CD302: variants seen among roughly 807,000 people sequenced by gnomAD.
CD302 encodes CD302 antigen.
Under a neutral mutation model 26.5 loss-of-function variants are expected in CD302, and 23 were observed. The observed-to-expected ratio is 0.87, with a 90% CI of 0.62 to 1.23. The LOEUF is 1.23. CD302 is among the 50% of genes most tolerant of loss of function. The pLI, the probability that CD302 is intolerant of heterozygous loss-of-function variation, is 0.00. For synonymous variants in CD302, 90 were observed against 99.4 expected, an observed-to-expected ratio of 0.91 and a Z score of 0.56; for missense variants, 290 against 275.5, an observed-to-expected ratio of 1.05 and a Z score of -0.37.
chr2:159,790,945 A>G (rs957095041), intron 1 of CD302, among the ~76,000 whole-genome samples: 1 of 152,226 alleles, frequency 6.6e-6, no homozygotes, highest in Non-Finnish European at 1.5e-5. Context: ...AAGCACTTAT[A>G]GTTCTTTTTT....
At chr2:159,788,354 T>C (rs900489703) in intron 1 of CD302, among the ~76,000 whole-genome samples, 5 of 152,198 alleles carry the variant, frequency 3.3e-5, no homozygotes, top group Non-Finnish European at 5.9e-5. Context: ...TGTGCTACAA[T>C]TGCCTACAGT....
At chr2:159,782,055 T>G (rs1307588466) in intron 2 of CD302, among the ~76,000 whole-genome samples, 1 of 151,024 alleles carries the variant, frequency 6.6e-6, no homozygotes, top group Non-Finnish European at 1.5e-5. Flanking sequence ...TTGCCTGACC[T>G]CAGGAGTTCG....
chr2:159,776,030 T>TTTTTTTTTTTTTTTTTTTA (rs55987429), intron 5 of CD302, among the ~76,000 whole-genome samples: 1 of 146,226 alleles, frequency 6.8e-6, no homozygotes, highest in Non-Finnish European at 1.5e-5. Flanking sequence ...TTTTTTTTTT[T>TTTTTTTTTTTTTTTTTTTA]AAAGTAGAGT....
intron 4 of CD302, among the ~76,000 whole-genome samples, chr2:159,779,066 C>G (rs1457904901): frequency 6.6e-6 from 1 of 151,532 alleles, no homozygotes; most frequent in African/African-American, 2.4e-5. Flanking sequence ...CCCATCTCTA[C>G]TAAAAAATAC....
At chr2:159,796,693 G>C (rs1196958602) in intron 1 of CD302, among the ~76,000 whole-genome samples, 1 of 152,110 alleles carries the variant, frequency 6.6e-6, no homozygotes, top group Non-Finnish European at 1.5e-5. Context: ...ATCCACACTG[G>C]ACTTATCAAA....
At chr2:159,774,648 C>CTGA (rs1313743481) in intron 5 of CD302, among the ~76,000 whole-genome samples, 1 of 152,178 alleles carries the variant, frequency 6.6e-6, no homozygotes, top group Non-Finnish European at 1.5e-5. Flanking sequence ...TGTCTCCTGC[C>CTGA]TGATGTCTAC....
rs140360558 is a variant in CD302, at chr2:159,774,792, T to C, written c.497-2739A>G. 3.0e-3 allele frequency among the ~76,000 whole-genome samples: 453 copies of C among 152,326 alleles called. No individual in the cohort carries two copies. The Middle Eastern group carries it at 0.044, about 15-fold the overall frequency. On this transcript the variant is annotated intron_variant, in intron 5 of 5. Coordinates refer to ENST00000259053, the MANE Select transcript of CD302 (RefSeq NM_014880.5). ...ATGGACACCTTAATTCTGTTGAAAG[T>C]ATTCTTCCCAAGGGAGTCTTCCAGC...
chr2:159,776,450 TTAA>T (rs199624152), intron 5 of CD302, among the ~76,000 whole-genome samples: 1 of 150,816 alleles, frequency 6.6e-6, no homozygotes, highest in South Asian at 2.1e-4. Flanking sequence ...GGTAATTCTT[TTAA>T]TAATTTTTTT....
chr2:159,773,051 C>T (rs540033704), intron 5 of CD302, among the ~76,000 whole-genome samples: 9 of 152,110 alleles, frequency 5.9e-5, no homozygotes, highest in Non-Finnish European at 1.0e-4. Flanking sequence ...CCAAGAATTC[C>T]GTAAACTGAG....
intron 5 of CD302, among the ~76,000 whole-genome samples, chr2:159,775,843 T>C (rs1025385603): frequency 1.3e-5 from 2 of 151,922 alleles, no homozygotes; most frequent in African/African-American, 2.4e-5. Flanking sequence ...CCTCATACTA[T>C]AGGTAAGAAT....
chr2:159,771,903 T>C lies in CD302; in HGVS notation c.647A>G (p.Asp216Gly), dbSNP rs1679447672. Residue 216 changes from aspartate to glycine, a missense_variant, in exon 6 of 6, where the codon GAC becomes GGC. Asp to Gly is a moderately conservative substitution (Grantham distance 94, BLOSUM62 -1). Transcript: ENST00000259053. Reference sequence around the variant, plus strand: ...TTCTTCTCCAACTACCAAAACACAGTCTTCATTATAAGGTGATTGGGGTGC... The same window carrying C: ...TTCTTCTCCAACTACCAAAACACAGCCTTCATTATAAGGTGATTGGGGTGC... The part of the protein sequence containing the change: ...STAPQSPYNE[D>G]CVLVVGEENE... 1.9e-6 allele frequency: 3 copies of C among 1,614,002 alleles called. No homozygotes were observed. The highest frequency in any genetic ancestry group is 2.5e-6 in the Non-Finnish European group (3 of 1,179,924).
intron 5 of CD302, among the ~76,000 whole-genome samples, chr2:159,773,557 C>T (rs1708219971): frequency 6.6e-6 from 1 of 152,204 alleles, no homozygotes; most frequent in African/African-American, 2.4e-5. Context: ...ATCCTAAGAA[C>T]TGGACAGTGT....
intron 5 of CD302, among the ~76,000 whole-genome samples, chr2:159,774,214 C>T (rs909317809): frequency 6.6e-6 from 1 of 152,132 alleles, no homozygotes; most frequent in Admixed American, 6.6e-5. Flanking sequence ...CTCAACCATT[C>T]AAGTCTTTTA....
chr2:159,787,355 C>G (rs1002360790), intron 1 of CD302, among the ~76,000 whole-genome samples: 1 of 152,054 alleles, frequency 6.6e-6, no homozygotes, highest in African/African-American at 2.4e-5. Context: ...TATCTACCAT[C>G]TTAATATTTG....
At chr2:159,784,096 T>C (rs1708596724) in intron 1 of CD302, among the ~76,000 whole-genome samples, 1 of 152,180 alleles carries the variant, frequency 6.6e-6, no homozygotes, top group African/African-American at 2.4e-5. Context: ...TCTATCTTAG[T>C]CTCTTTTTAT....
At position 159,794,875 on chromosome 2, in the gene CD302, T is replaced by C. The variant is rs72621695; in HGVS notation, c.67+3257A>G. Among the ~76,000 whole-genome samples, 3,408 of 151,650 alleles carry C rather than the reference T, an allele frequency of 0.022. 249 individuals carry two copies. In the East Asian group the frequency reaches 0.27, roughly 12 times the overall value. On this transcript the variant is annotated intron_variant, in intron 1 of 5. Coordinates refer to ENST00000259053, the MANE Select transcript of CD302 (RefSeq NM_014880.5). ...AAATTTATTTTAAAATACTCTAATA[T>C]TTAATCTGAGATAATTTCCCCTGAA...
In CD302 at chr2:159,792,422, C is replaced by CTGTGTGTGTGTGTG. The variant is rs3138650; in HGVS notation, c.67+5696_67+5709dup. ...TCTCCAGAGAAACAGAGAACCAACTCTGTGTGTGTGTGTGTGTGTGTGTGT... is the reference window on the plus strand; with the variant it reads ...TCTCCAGAGAAACAGAGAACCAACTCTGTGTGTGTGTGTGTGTGTGTGTGTGTGTGTGTGTGTGT... On this transcript the variant is annotated intron_variant, in intron 1 of 5. Transcript: ENST00000259053. Among the ~76,000 whole-genome samples, 323 of 145,298 alleles carry CTGTGTGTGTGTGTG rather than the reference C, an allele frequency of 2.2e-3. 3 individuals carry two copies. Among genetic ancestry groups the CTGTGTGTGTGTGTG allele is most frequent in the East Asian group, 5.0e-3 (24 of 4,798 alleles).
At chr2:159,784,888 A>G (rs67823530) in intron 1 of CD302, among the ~76,000 whole-genome samples, 48,305 of 151,696 alleles carry the variant, frequency 0.32, 9,656 homozygotes, top group Admixed American at 0.48. Context: ...ACTTCTGGAT[A>G]ATTAGGGTTT....
rs1401370786 is a variant in CD302, at chr2:159,770,767, T to TACCA, written c.*1080_*1083dup. ...TGTAGGTTTGGGACAAAATAGGCTC[T>TACCA]ACCATCTGGGTTTGTGTAAATACAA... On this transcript the variant is annotated 3_prime_UTR_variant, in exon 6 of 6. Coordinates refer to ENST00000259053, the MANE Select transcript of CD302 (RefSeq NM_014880.5). 3 of 152,162 alleles carry TACCA rather than the reference T, an allele frequency of 2.0e-5. No individual in the cohort carries two copies. Among genetic ancestry groups the TACCA allele is most frequent in the African/African-American group, 7.2e-5 (3 of 41,428 alleles). The allele number at this position is 152,162 out of a possible 1,614,324, so 9.4% of individuals were successfully genotyped here.
Sources: gnomAD v4.1 joint callset for allele counts (sites outside exome capture counted in the v4.1 genomes callset) on GRCh38, gnomAD v4.1.1 for gene constraint, MANE v1.5 for transcripts, NCBI Gene and HGNC (gene_info 2026-07-23, HGNC 2026-07-21) for gene names.